Variants in FAM110B observed in about 807,000 individuals in gnomAD.
FAM110B encodes protein FAM110B.
FAM110B carries 6 observed loss-of-function variants against 20.4 expected under a neutral mutation model. That is an observed-to-expected ratio of 0.29 (90% CI 0.16 to 0.58). FAM110B has a LOEUF of 0.58. Among genes scored for constraint, FAM110B ranks in the 20% least tolerant of loss-of-function variants. The pLI is 0.90. For missense variants in FAM110B, 434 were observed against 498.2 expected (o/e 0.87, Z 1.23); for synonymous variants, 226 against 214.1 (o/e 1.06, Z -0.49).
intron 1 of FAM110B, among the ~76,000 whole-genome samples, chr8:58,028,966 T>G (rs1405528926): frequency 6.6e-6 from 1 of 152,204 alleles, no homozygotes; most frequent in Non-Finnish European, 1.5e-5. Flanking sequence ...AGGCCTTCCT[T>G]GGTGACCTCC....
chr8:58,048,311 A>C lies in FAM110B; in HGVS notation c.-414+16608A>C, dbSNP rs987542935. 2.0e-4 allele frequency among the ~76,000 whole-genome samples: 30 copies of C among 152,288 alleles called. 1 individual carries two copies. The East Asian group carries it at 5.6e-3, about 28-fold the overall frequency. ...GTCCTGATTTTTTTTTATTTTAAAA[A>C]GGAATATTAACATTGATCTCACCAT... On this transcript the variant is annotated intron_variant, in intron 2 of 3. Transcript: ENST00000519262.
At chr8:58,084,009 A>G (rs934503600) in intron 3 of FAM110B, among the ~76,000 whole-genome samples, 1 of 152,178 alleles carries the variant, frequency 6.6e-6, no homozygotes, top group African/African-American at 2.4e-5. Context: ...TCAATGGCAT[A>G]TGAGAGAATC....
At chr8:58,129,275 CAG>C (rs1807592481) in intron 3 of FAM110B, among the ~76,000 whole-genome samples, 1 of 152,236 alleles carries the variant, frequency 6.6e-6, no homozygotes, top group African/African-American at 2.4e-5. Context: ...CCAGTGGCCT[CAG>C]GGGTACTGTG....
At chr8:58,003,723 T>G (rs1028135757) in intron 1 of FAM110B, among the ~76,000 whole-genome samples, 2 of 152,200 alleles carry the variant, frequency 1.3e-5, no homozygotes, top group African/African-American at 4.8e-5. Flanking sequence ...TCAACAATGG[T>G]CTTAAAATAT....
At chr8:58,005,489 T>A (rs928265395) in intron 1 of FAM110B, among the ~76,000 whole-genome samples, 3 of 152,250 alleles carry the variant, frequency 2.0e-5, no homozygotes, top group African/African-American at 7.2e-5. Flanking sequence ...TGAACTTGTT[T>A]GATGCTGAAT....
Position 58,146,010 on chromosome 8 carries a change from C to T in FAM110B, c.-221C>T. 1 of 508,952 alleles carries T rather than the reference C, an allele frequency of 2.0e-6. No homozygotes were observed. The allele number at this position is 508,952 out of a possible 1,614,324, so 31.5% of individuals were successfully genotyped here. On this transcript the variant is annotated 5_prime_UTR_variant, in exon 4 of 4. Coordinates refer to ENST00000519262, the MANE Select transcript of FAM110B (RefSeq NM_001377989.1). The stretch of plus-strand genomic sequence containing the variant: ...ATTAAAGGAACTTGTGGCTTGTGGC[C>T]TTTTTGTGCAAGGGCCGCCTGGAAG...
intron 1 of FAM110B, among the ~76,000 whole-genome samples, chr8:58,029,233 C>CTT (rs1804917111): frequency 6.6e-6 from 1 of 152,164 alleles, no homozygotes; most frequent in Non-Finnish European, 1.5e-5. Context: ...GTATAGAACA[C>CTT]CTATGTTTTG....
intron 3 of FAM110B, among the ~76,000 whole-genome samples, chr8:58,119,029 A>G (rs1164691960): frequency 6.6e-6 from 1 of 152,224 alleles, no homozygotes. Flanking sequence ...GAAACCAAAA[A>G]ACAAATACTC....
intron 3 of FAM110B, among the ~76,000 whole-genome samples, chr8:58,130,645 C>T (rs1363371548): frequency 1.3e-5 from 2 of 152,216 alleles, no homozygotes; most frequent in Non-Finnish European, 2.9e-5. Flanking sequence ...ACCTCCAGTG[C>T]TAGTAACAGT....
chr8:58,119,812 G>A (rs6984700), intron 3 of FAM110B, among the ~76,000 whole-genome samples: 19,770 of 152,148 alleles, frequency 0.13, 1,364 homozygotes, highest in Middle Eastern at 0.19. Flanking sequence ...GACTGCACTC[G>A]GCATGCCGCT....
intron 2 of FAM110B, among the ~76,000 whole-genome samples, chr8:58,037,806 G>T (rs1805116172): frequency 6.6e-6 from 1 of 152,054 alleles, no homozygotes; most frequent in Admixed American, 6.5e-5. Context: ...AACTTAATTA[G>T]AATTGGAAAA....
chr8:57,996,616 T>C (rs935442587), intron 1 of FAM110B, among the ~76,000 whole-genome samples: 3 of 152,222 alleles, frequency 2.0e-5, no homozygotes, highest in African/African-American at 7.2e-5. Flanking sequence ...GGAGACCTGG[T>C]TGTCTTTAAG....
At chr8:58,124,454 A>G (rs1187895396) in intron 3 of FAM110B, among the ~76,000 whole-genome samples, 1 of 152,218 alleles carries the variant, frequency 6.6e-6, no homozygotes, top group East Asian at 1.9e-4. Flanking sequence ...AGAGATTGGG[A>G]TTTCATGTTA....
At chr8:58,040,481 G>A (rs1001415248) in intron 2 of FAM110B, among the ~76,000 whole-genome samples, 3 of 152,236 alleles carry the variant, frequency 2.0e-5, no homozygotes, top group Admixed American at 2.0e-4. Flanking sequence ...TAGAGACCAG[G>A]CACTCCAGGG....
intron 3 of FAM110B, among the ~76,000 whole-genome samples, chr8:58,096,728 G>A (rs1271310925): frequency 1.3e-5 from 2 of 152,156 alleles, no homozygotes; most frequent in Non-Finnish European, 2.9e-5. Context: ...CTCTTGTAAG[G>A]CAAGCCTGGT....
At chr8:58,131,808 T>TG (rs993825833) in intron 3 of FAM110B, among the ~76,000 whole-genome samples, 4 of 152,158 alleles carry the variant, frequency 2.6e-5, no homozygotes, top group African/African-American at 9.7e-5. Context: ...AATACTCTAG[T>TG]GGGGGTGTCC....
chr8:58,039,200 C>G (rs1563347887), intron 2 of FAM110B, among the ~76,000 whole-genome samples: 1 of 152,160 alleles, frequency 6.6e-6, no homozygotes, highest in Non-Finnish European at 1.5e-5. Context: ...CCTGCTGAGC[C>G]CAGAGTCATT....
intron 2 of FAM110B, among the ~76,000 whole-genome samples, chr8:58,049,511 T>G (rs1254631204): frequency 6.6e-6 from 1 of 152,084 alleles, no homozygotes; most frequent in African/African-American, 2.4e-5. Context: ...GTCTTGGATG[T>G]ATGGATGGAT....
intron 1 of FAM110B, among the ~76,000 whole-genome samples, chr8:58,001,366 G>A (rs188370897): frequency 1.7e-5 from 2 of 120,654 alleles, no homozygotes; most frequent in East Asian, 5.6e-4. Context: ...CATGGAGCTA[G>A]TGTGTGCAGG....
Sources: gnomAD v4.1 joint callset for allele counts (sites outside exome capture counted in the v4.1 genomes callset) on GRCh38, gnomAD v4.1.1 for gene constraint, MANE v1.5 for transcripts, NCBI Gene and HGNC (gene_info 2026-07-23, HGNC 2026-07-21) for gene names.